Variants in ARHGAP15 observed in about 807,000 individuals in gnomAD.
The protein encoded by ARHGAP15 is rho GTPase-activating protein 15.
A neutral mutation model predicts 63.7 loss-of-function variants in ARHGAP15; 51 were observed. The ratio of observed to expected loss-of-function variants is 0.80; its 90% confidence interval spans 0.64 to 1.01. The LOEUF (loss-of-function observed/expected upper bound fraction) is 1.01. Among genes scored for constraint, ARHGAP15 ranks in the 50% least tolerant of loss-of-function variants. The pLI is 0.00. For missense variants in ARHGAP15, 560 were observed against 564.6 expected (o/e 0.99, Z 0.08); for synonymous variants, 191 against 193.8 (o/e 0.99, Z 0.12).
At chr2:143,709,761 A>G (rs1460013583) in intron 13 of ARHGAP15, among the ~76,000 whole-genome samples, 1 of 132,368 alleles carries the variant, frequency 7.6e-6, no homozygotes, top group Non-Finnish European at 1.7e-5. Flanking sequence ...TGACCTAGAA[A>G]TATAAGGGTT....
intron 6 of ARHGAP15, among the ~76,000 whole-genome samples, chr2:143,387,925 A>G (rs993589486): frequency 6.6e-6 from 1 of 151,728 alleles, no homozygotes; most frequent in Admixed American, 6.6e-5. Flanking sequence ...ACACACACAC[A>G]CACGCATGCA....
At chr2:143,677,384 C>A (rs1203180576) in intron 12 of ARHGAP15, among the ~76,000 whole-genome samples, 1 of 152,150 alleles carries the variant, frequency 6.6e-6, no homozygotes, top group African/African-American at 2.4e-5. Flanking sequence ...GGAACCCTCA[C>A]CCCTACTTGC....
At chr2:143,468,663 A>AGTGTGTGTGT (rs70982870) in intron 8 of ARHGAP15, among the ~76,000 whole-genome samples, 9 of 136,234 alleles carry the variant, frequency 6.6e-5, no homozygotes, top group Non-Finnish European at 1.1e-4. Context: ...AGAGAGAGAG[A>AGTGTGTGTGT]GTGTGTGTGT....
intron 7 of ARHGAP15, among the ~76,000 whole-genome samples, chr2:143,435,906 T>C (rs899597541): frequency 6.6e-6 from 1 of 152,086 alleles, no homozygotes; most frequent in Non-Finnish European, 1.5e-5. Flanking sequence ...CTTTCAAAAA[T>C]ATAGTGCATT....
At chr2:143,681,432 A>G (rs1241257916) in intron 12 of ARHGAP15, among the ~76,000 whole-genome samples, 2 of 152,164 alleles carry the variant, frequency 1.3e-5, no homozygotes, top group Admixed American at 6.6e-5. Context: ...TAAAGTATGG[A>G]AAGATGCAGA....
chr2:143,706,722 T>C (rs1574866642), intron 13 of ARHGAP15: 1 of 152,130 alleles, frequency 6.6e-6, no homozygotes, highest in Non-Finnish European at 1.5e-5. Context: ...AAACTCAGGG[T>C]CAAGTTCTAT....
intron 11 of ARHGAP15, among the ~76,000 whole-genome samples, chr2:143,559,842 G>T (rs1462052677): frequency 6.6e-6 from 1 of 152,224 alleles, no homozygotes; most frequent in Non-Finnish European, 1.5e-5. Context: ...TAAAGGCAGT[G>T]CATCATTTTT....
intron 13 of ARHGAP15, among the ~76,000 whole-genome samples, chr2:143,741,741 G>C (rs774368932): frequency 2.6e-5 from 4 of 152,172 alleles, no homozygotes; most frequent in Non-Finnish European, 5.9e-5. Flanking sequence ...CTGGAGACTT[G>C]AGCAAGATGG....
At chr2:143,168,260 C>T (rs1206033873) in intron 2 of ARHGAP15, among the ~76,000 whole-genome samples, 1 of 152,210 alleles carries the variant, frequency 6.6e-6, no homozygotes, top group South Asian at 2.1e-4. Context: ...CAGCCTTGAA[C>T]TCCTGGGTGC....
chr2:143,343,720 G>C (rs1685156369), intron 6 of ARHGAP15, among the ~76,000 whole-genome samples: 1 of 152,056 alleles, frequency 6.6e-6, no homozygotes, highest in African/African-American at 2.4e-5. Context: ...AGCAGCTCTA[G>C]TGAGGAAGAC....
rs1305696691 is a variant in ARHGAP15 at position 143,330,128 on chromosome 2, AAAAC to A, written c.474+79529_474+79532del. 1.2e-3 allele frequency among the ~76,000 whole-genome samples: 106 copies of A among 91,146 alleles called. 4 individuals are homozygous for A. The highest frequency in any genetic ancestry group is 3.4e-3 in the South Asian group (10 of 2,980). The allele number at this position is 91,146 out of a possible 152,430, so 59.8% of individuals were successfully genotyped here. A position where few individuals can be genotyped will look rare whatever the true frequency, so the allele number is the denominator to read the frequency against. ...AAAAAAAAAAAAAAAAAAAAAAAAA[AAAAC>A]CAAAAACAAAAAACTAAACTAATGA... On this transcript the variant is annotated intron_variant, in intron 6 of 13. Coordinates refer to ENST00000295095, the MANE Select transcript of ARHGAP15 (RefSeq NM_018460.4).
intron 12 of ARHGAP15, among the ~76,000 whole-genome samples, chr2:143,680,982 C>T (rs1360632487): frequency 6.6e-6 from 1 of 152,200 alleles, no homozygotes; most frequent in Non-Finnish European, 1.5e-5. Context: ...TCATAGTAGC[C>T]TGCCAAAATG....
At chr2:143,763,698 GTGTATGTATATGTGTATGTATA>G (rs1475988088) in intron 13 of ARHGAP15, among the ~76,000 whole-genome samples, 1 of 128,594 alleles carries the variant, frequency 7.8e-6, no homozygotes, top group Non-Finnish European at 1.6e-5. Context: ...GTATATGTAT[GTGTATGTATATGTGTATGTATA>G]TGTATGTATA....
chr2:143,577,995 C>T (rs1336298509), intron 11 of ARHGAP15, among the ~76,000 whole-genome samples: 1 of 152,194 alleles, frequency 6.6e-6, no homozygotes, highest in Non-Finnish European at 1.5e-5. Context: ...TACTTGCAAG[C>T]AGTCTTTGAA....
intron 13 of ARHGAP15, among the ~76,000 whole-genome samples, chr2:143,737,370 GA>G (rs1213206276): frequency 6.6e-6 from 1 of 152,186 alleles, no homozygotes; most frequent in Non-Finnish European, 1.5e-5. Context: ...TTTATTACTA[GA>G]ATTGTAAACA....
intron 5 of ARHGAP15, chr2:143,236,601 CAAGAG>C (rs141057427): frequency 6.6e-6 from 1 of 152,104 alleles, no homozygotes; most frequent in African/African-American, 2.4e-5. Flanking sequence ...TATGATAACT[CAAGAG>C]AAGAGTGTGA....
At chr2:143,523,252 G>A (rs1378947603) in intron 10 of ARHGAP15, among the ~76,000 whole-genome samples, 4 of 152,112 alleles carry the variant, frequency 2.6e-5, no homozygotes, top group African/African-American at 7.2e-5. Context: ...GGTTATGTAT[G>A]TTAGCATAAA....
intron 2 of ARHGAP15, among the ~76,000 whole-genome samples, chr2:143,172,854 T>A (rs1318449811): frequency 6.6e-6 from 1 of 152,028 alleles, no homozygotes; most frequent in African/African-American, 2.4e-5. Context: ...GCCTTGGAGA[T>A]ATAATTTTGA....
intron 9 of ARHGAP15, among the ~76,000 whole-genome samples, chr2:143,498,532 T>C (rs1692921896): frequency 6.6e-6 from 1 of 152,320 alleles, no homozygotes; most frequent in South Asian, 2.1e-4. Context: ...AAACATAAAC[T>C]TTATGTAGCA....
Sources: allele counts gnomAD v4.1 joint callset (sites outside exome capture counted in the v4.1 genomes callset), GRCh38; gene constraint gnomAD v4.1.1; transcripts MANE v1.5; gene names NCBI Gene and HGNC (gene_info 2026-07-23, HGNC 2026-07-21).